The following IMMP2L variants were observed in gnomAD, a reference collection of about 807,000 sequenced individuals.
IMMP2L encodes inner mitochondrial membrane peptidase subunit 2.
A neutral mutation model predicts 19.3 loss-of-function variants in IMMP2L; 18 were observed. The observed-to-expected ratio is 0.93, with a 90% CI of 0.64 to 1.38. The LOEUF is 1.38. Among genes scored for constraint, IMMP2L ranks in the 40% most tolerant of loss-of-function variants. The probability of loss-of-function intolerance (pLI) is 0.00; values close to 1 mark genes in which losing one functional copy is unlikely to be tolerated. For missense variants in IMMP2L, 233 were observed against 218.2 expected (o/e 1.07, Z -0.43); for synonymous variants, 76 against 73.0 (o/e 1.04, Z -0.21).
intron 3 of IMMP2L, among the ~76,000 whole-genome samples, chr7:110,992,143 G>C (rs142419840): frequency 2.0e-5 from 3 of 152,002 alleles, no homozygotes; most frequent in Non-Finnish European, 4.4e-5. Flanking sequence ...TTATAAGTCC[G>C]TTGAAGGTAT....
chr7:110,898,404 C>T lies in IMMP2L; in HGVS notation c.306-11709G>A, dbSNP rs565634821. Among the ~76,000 whole-genome samples, 3 of 152,066 alleles carry T rather than the reference C, an allele frequency of 2.0e-5. No homozygotes were observed. In the South Asian group the frequency reaches 6.2e-4, roughly 32 times the overall value. On this transcript the variant is annotated intron_variant, in intron 4 of 5. Transcript: ENST00000405709. ...TTCATGGAAATATCCTTCATTTTGCCGTTGCTAAGGGCCCTCAACTGGCTG... is the reference window on the plus strand; with the variant it reads ...TTCATGGAAATATCCTTCATTTTGCTGTTGCTAAGGGCCCTCAACTGGCTG...
intron 3 of IMMP2L, among the ~76,000 whole-genome samples, chr7:111,208,500 C>T (rs1218483149): frequency 6.6e-6 from 1 of 152,102 alleles, no homozygotes; most frequent in African/African-American, 2.4e-5. Context: ...GACATTTTTA[C>T]TGGCAGGTTA....
chr7:111,308,748 G>C (rs1420998243), intron 3 of IMMP2L, among the ~76,000 whole-genome samples: 1 of 151,952 alleles, frequency 6.6e-6, no homozygotes, highest in Non-Finnish European at 1.5e-5. Flanking sequence ...AAAAAAAGAT[G>C]TATTCTTCAA....
chr7:110,956,960 A>C (rs1243639812), intron 4 of IMMP2L, among the ~76,000 whole-genome samples: 1 of 152,036 alleles, frequency 6.6e-6, no homozygotes, highest in Non-Finnish European at 1.5e-5. Context: ...AGTCATAACA[A>C]ATTAATAAGA....
intron 3 of IMMP2L, among the ~76,000 whole-genome samples, chr7:111,126,096 T>C (rs1801282949): frequency 6.6e-6 from 1 of 152,150 alleles, no homozygotes; most frequent in Non-Finnish European, 1.5e-5. Context: ...GTATTGGGAT[T>C]ACAGGCATGA....
At chr7:111,477,621 G>A (rs568233918) in intron 3 of IMMP2L, among the ~76,000 whole-genome samples, 28 of 151,944 alleles carry the variant, frequency 1.8e-4, no homozygotes, top group Non-Finnish European at 2.5e-4. Flanking sequence ...TTTATCGGCC[G>A]GACACAGTGG....
intron 3 of IMMP2L, among the ~76,000 whole-genome samples, chr7:111,131,726 ATTTC>A (rs1358902019): frequency 1.3e-5 from 2 of 151,966 alleles, no homozygotes; most frequent in East Asian, 3.9e-4. Flanking sequence ...TCCTCATGAA[ATTTC>A]TTTGAGTTCA....
chr7:111,478,115 T>C (rs1018369921), intron 3 of IMMP2L, among the ~76,000 whole-genome samples: 11 of 152,142 alleles, frequency 7.2e-5, no homozygotes, highest in Non-Finnish European at 1.6e-4. Flanking sequence ...AATTAGATGG[T>C]AGTCAGCCTT....
At chr7:111,229,279 C>T (rs566208001) in intron 3 of IMMP2L, among the ~76,000 whole-genome samples, 1 of 151,400 alleles carries the variant, frequency 6.6e-6, no homozygotes, top group South Asian at 2.1e-4. Context: ...AAGGAAATAC[C>T]GAGAGTATTT....
rs370206132 is a variant in IMMP2L at position 110,704,198 on chromosome 7, T to C, written c.409-40477A>G. On this transcript the variant is annotated intron_variant, in intron 5 of 5. Coordinates refer to ENST00000405709, the MANE Select transcript of IMMP2L (RefSeq NM_032549.4). ...TTGATTTTATAATTTCTAAGGAAAATTGTCAACATAACTATATTTGTTAAC... is the reference window on the plus strand; with the variant it reads ...TTGATTTTATAATTTCTAAGGAAAACTGTCAACATAACTATATTTGTTAAC... Among the ~76,000 whole-genome samples the C allele has an allele frequency of 7.7e-4, 117 of 152,202 alleles. 2 individuals carry two copies. The highest frequency in any genetic ancestry group is 2.8e-3 in the African/African-American group (116 of 41,534).
In IMMP2L at chr7:111,426,152, T is replaced by G. The variant is rs528013859; in HGVS notation, c.239+61086A>C. Among the ~76,000 whole-genome samples the G allele has an allele frequency of 2.0e-5, 3 of 151,220 alleles. No homozygotes were observed. The East Asian group carries it at 5.8e-4, about 29-fold the overall frequency. On this transcript the variant is annotated intron_variant, in intron 3 of 5. Coordinates refer to ENST00000405709, the MANE Select transcript of IMMP2L (RefSeq NM_032549.4). ...AGGTAACCTTATAATACATAAACTT[T>G]GTTTTACAGCTAAAAAAGGTAAATT...
chr7:111,292,866 C>T (rs977360203), intron 3 of IMMP2L, among the ~76,000 whole-genome samples: 11 of 151,930 alleles, frequency 7.2e-5, no homozygotes, highest in Non-Finnish European at 1.2e-4. Context: ...ATTATTTTAT[C>T]TTCTTTATGG....
chr7:110,913,795 T>G (rs780910240), intron 4 of IMMP2L, among the ~76,000 whole-genome samples: 8 of 152,090 alleles, frequency 5.3e-5, no homozygotes, highest in Non-Finnish European at 1.2e-4. Context: ...TGTTTAACGT[T>G]AGGAAACAAA....
intron 3 of IMMP2L, among the ~76,000 whole-genome samples, chr7:111,340,763 G>A (rs1826930595): frequency 6.6e-6 from 1 of 152,008 alleles, no homozygotes; most frequent in Non-Finnish European, 1.5e-5. Context: ...AAAAAACATT[G>A]AACTTCTGTT....
intron 3 of IMMP2L, among the ~76,000 whole-genome samples, chr7:111,102,475 C>T (rs1368214292): frequency 2.0e-5 from 3 of 151,530 alleles, no homozygotes; most frequent in Admixed American, 6.6e-5. Flanking sequence ...ATTTTATTGA[C>T]AGTAATGTGT....
rs867810229 is a variant in IMMP2L, at chr7:111,294,888, C to T, written c.239+192350G>A. On this transcript the variant is annotated intron_variant, in intron 3 of 5. Coordinates refer to ENST00000405709, the MANE Select transcript of IMMP2L (RefSeq NM_032549.4). ...GAAGATTAGTATGGGTATTTCTTAC[C>T]CCAGCTAAGTATAATGTAGCAATAA... 2.6e-5 allele frequency among the ~76,000 whole-genome samples: 4 copies of T among 151,352 alleles called. No homozygotes were observed. The Middle Eastern group carries it at 0.01, about 386-fold the overall frequency.
chr7:110,701,829 C>T (rs1264784447), intron 5 of IMMP2L, among the ~76,000 whole-genome samples: 1 of 152,182 alleles, frequency 6.6e-6, no homozygotes, highest in East Asian at 1.9e-4. Context: ...TAAACTCAGG[C>T]TGCTCTAACA....
At chr7:111,122,218 A>G (rs1800731819) in intron 3 of IMMP2L, among the ~76,000 whole-genome samples, 1 of 148,248 alleles carries the variant, frequency 6.7e-6, no homozygotes, top group African/African-American at 2.6e-5. Flanking sequence ...AACTTAAAGT[A>G]TAATAAAAAA....
chr7:111,296,437 A>C (rs927609254), intron 3 of IMMP2L, among the ~76,000 whole-genome samples: 2 of 151,978 alleles, frequency 1.3e-5, no homozygotes, highest in African/African-American at 4.8e-5. Context: ...GTTCAACATC[A>C]CTAGATAATT....
Sources: allele counts gnomAD v4.1 joint callset (sites outside exome capture counted in the v4.1 genomes callset), GRCh38; gene constraint gnomAD v4.1.1; transcripts MANE v1.5; gene names NCBI Gene and HGNC (gene_info 2026-07-23, HGNC 2026-07-21).